Variants in CUX2 observed in about 807,000 individuals in gnomAD.
CUX2 encodes the protein cut like homeobox 2, also known as homeobox protein cut-like 2.
A neutral mutation model predicts 144.8 loss-of-function variants in CUX2; 40 were observed. The ratio of observed to expected loss-of-function variants is 0.28; its 90% CI spans 0.21 to 0.36. The LOEUF is 0.36. CUX2 is among the 10% of genes least tolerant of loss of function. CUX2 has a pLI of 1.00. For missense variants in CUX2, 1,615 were observed against 1,994.0 expected, an observed-to-expected ratio of 0.81 and a Z score of 3.62; for synonymous variants, 827 against 875.6, an observed-to-expected ratio of 0.94 and a Z score of 0.98.
chr12:111,266,939 T>G (rs1474990828), intron 4 of CUX2, among the ~76,000 whole-genome samples: 2 of 152,168 alleles, frequency 1.3e-5, no homozygotes, highest in Non-Finnish European at 2.9e-5. Context: ...CTCATGCCTG[T>G]AATGCCAGCA....
In CUX2 at chr12:111,348,033, G is replaced by A. The variant is rs777726317; in HGVS notation, c.4169G>A (p.Ser1390Asn). ...FKSASESSRCSLEVSLNSPSA... is the reference protein window; with the variant it reads ...FKSASESSRCNLEVSLNSPSA... ...TCAGCCTCAGAGTCCTCACGCTGCA[G>A]CCTGGAGGTGTCACTGAACTCGCCC... The change falls in exon 22 of 22, where the codon AGC becomes AAC. Residue 1390 changes from serine to asparagine, a missense_variant. By Grantham distance (46) the Ser-to-Asn change is conservative. This residue lies in a region of CUX2 where 298 missense variants were observed against 330.4 expected (regional missense o/e 0.90). Coordinates refer to ENST00000261726, the MANE Select transcript of CUX2 (RefSeq NM_015267.4). The A allele has an allele frequency of 1.2e-6, 2 of 1,614,114 alleles. No individual in the cohort carries two copies. Among genetic ancestry groups the A allele is most frequent in the Non-Finnish European group, 1.7e-6 (2 of 1,180,026 alleles).
chr12:111,076,508 T>C (rs1264474493), intron 1 of CUX2, among the ~76,000 whole-genome samples: 1 of 152,224 alleles, frequency 6.6e-6, no homozygotes, highest in African/African-American at 2.4e-5. Context: ...TTGAATTCTG[T>C]TGGCTACACA....
At chr12:111,316,023 TGA>T (rs1413866468) in intron 16 of CUX2, among the ~76,000 whole-genome samples, 6 of 152,064 alleles carry the variant, frequency 3.9e-5, no homozygotes, top group African/African-American at 1.4e-4. Context: ...ACAGTAAGGG[TGA>T]CTTTCATTTT....
At chr12:111,336,138 G>A (rs988948046) in intron 19 of CUX2, among the ~76,000 whole-genome samples, 15 of 152,170 alleles carry the variant, frequency 9.9e-5, no homozygotes, top group African/African-American at 3.6e-4. Flanking sequence ...CGGAACTCCA[G>A]CTCAGTCCTC....
chr12:111,079,306 A>G (rs569250668), intron 1 of CUX2, among the ~76,000 whole-genome samples: 1 of 152,342 alleles, frequency 6.6e-6, no homozygotes, highest in African/African-American at 2.4e-5. Flanking sequence ...CTCTGAGTTT[A>G]TGCTATAGGT....
chr12:111,280,489 A>G (rs1885074753), intron 4 of CUX2, among the ~76,000 whole-genome samples: 1 of 152,182 alleles, frequency 6.6e-6, no homozygotes, highest in Non-Finnish European at 1.5e-5. Context: ...TCCAGCCTCC[A>G]AAACACAGCA....
chr12:111,051,376 T>G (rs1870256594), intron 1 of CUX2, among the ~76,000 whole-genome samples: 1 of 152,248 alleles, frequency 6.6e-6, no homozygotes, highest in Non-Finnish European at 1.5e-5. Context: ...TCCATTTCTG[T>G]CAATTTTTGC....
chr12:111,154,160 C>G (rs1386322807), intron 1 of CUX2, among the ~76,000 whole-genome samples: 2 of 151,848 alleles, frequency 1.3e-5, no homozygotes, highest in Admixed American at 1.3e-4. Context: ...CTTAGCACCC[C>G]ACAGAGAAAG....
intron 1 of CUX2, among the ~76,000 whole-genome samples, chr12:111,046,970 T>G (rs1236252734): frequency 6.6e-6 from 1 of 152,216 alleles, no homozygotes; most frequent in Non-Finnish European, 1.5e-5. Flanking sequence ...TGCTGTTCTT[T>G]TTAAAAACCT....
rs201495071 is a variant in CUX2 at position 111,186,782 on chromosome 12, G to GTT, written c.64-27405_64-27404dup. 0.18 allele frequency among the ~76,000 whole-genome samples: 25,562 copies of GTT among 145,994 alleles called. 2,589 individuals are homozygous for GTT. Among genetic ancestry groups the GTT allele is most frequent in the East Asian group, 0.54 (2,644 of 4,942 alleles). ...ATTAAAATCGATATGATGTGTGTAT[G>GTT]TTTTTTTTTTTTTTGAGACAGAATT... On this transcript the variant is annotated intron_variant, in intron 1 of 21. Coordinates refer to ENST00000261726, the MANE Select transcript of CUX2 (RefSeq NM_015267.4). The surrounding 1 kb of genome is among the most constrained non-coding windows in gnomAD (Gnocchi z 4.4).
rs1293253717 is a variant in CUX2, at chr12:111,091,803, G to C, written c.63+57563G>C. 5.9e-5 allele frequency among the ~76,000 whole-genome samples: 9 copies of C among 152,294 alleles called. No homozygotes were observed. In the East Asian group the frequency reaches 1.7e-3, roughly 29 times the overall value. ...CTTCTGGTGGCTGCCGGCCCTGCCT[G>C]GTATTCCCTGGCTTGTGGCCGCATC... On this transcript the variant is annotated intron_variant, in intron 1 of 21. Coordinates refer to ENST00000261726, the MANE Select transcript of CUX2 (RefSeq NM_015267.4).
chr12:111,081,638 T>C (rs1871894514), intron 1 of CUX2, among the ~76,000 whole-genome samples: 1 of 151,974 alleles, frequency 6.6e-6, no homozygotes, highest in South Asian at 2.1e-4. Flanking sequence ...TGACAGATGT[T>C]GGTGACAATT....
intron 1 of CUX2, among the ~76,000 whole-genome samples, chr12:111,203,232 A>T (rs1880710416): frequency 1.9e-5 from 1 of 52,008 alleles, no homozygotes; most frequent in African/African-American, 3.1e-4. Flanking sequence ...ACTCTGTCTC[A>T]AAAAAAAAAA....
chr12:111,323,514 A>G (rs1715948854), intron 18 of CUX2, among the ~76,000 whole-genome samples: 2 of 152,216 alleles, frequency 1.3e-5, no homozygotes, highest in Admixed American at 1.3e-4. Flanking sequence ...GGCTGAGGAC[A>G]GGCATGGGGG....
At position 111,312,381 on chromosome 12, in the gene CUX2, T is replaced by G. The variant is rs1455049306; in HGVS notation, c.2002+180T>G. Among the ~76,000 whole-genome samples the G allele has an allele frequency of 6.6e-6, 1 of 152,162 alleles. No individual in the cohort carries two copies. Among genetic ancestry groups the G allele is most frequent in the Non-Finnish European group, 1.5e-5 (1 of 68,020 alleles). On this transcript the variant is annotated intron_variant, in intron 16 of 21. Coordinates refer to ENST00000261726, the MANE Select transcript of CUX2 (RefSeq NM_015267.4). This position sits in a 1 kb window ranked among gnomAD's most constrained non-coding sequence, Gnocchi z 4.3. ...TGTGGCACTGCTCAGAACCCTGCCA[T>G]GGTTCCACACAGCTCTCAACATAAA...
At chr12:111,137,364 TTTGTTGA>T (rs1461080171) in intron 1 of CUX2, among the ~76,000 whole-genome samples, 3 of 148,444 alleles carry the variant, frequency 2.0e-5, no homozygotes, top group African/African-American at 7.9e-5. Context: ...GTTGTTGTTG[TTTGTTGA>T]TGTTGTCGTT....
rs1413853255 is a variant in CUX2, at chr12:111,259,810, AAG to A, written c.223-3949_223-3948del. On this transcript the variant is annotated intron_variant, in intron 3 of 21. Transcript: ENST00000261726. ...CTCTGTCTCAAAAAAAAAAAAAAAAAAGAAATTAAGAAGTGGGTGAATTTAAT... is the reference window on the plus strand; with the variant it reads ...CTCTGTCTCAAAAAAAAAAAAAAAAAAAATTAAGAAGTGGGTGAATTTAAT... Among the ~76,000 whole-genome samples, 307 of 151,566 alleles carry A rather than the reference AAG, an allele frequency of 2.0e-3. 2 individuals are homozygous for A. The highest frequency in any genetic ancestry group is 7.1e-3 in the African/African-American group (291 of 41,230).
chr12:111,175,572 G>A (rs1232293826), intron 1 of CUX2, among the ~76,000 whole-genome samples: 2 of 152,030 alleles, frequency 1.3e-5, no homozygotes, highest in Non-Finnish European at 2.9e-5. Flanking sequence ...CTTTGTGGCA[G>A]GCTTGGTCAC....
intron 1 of CUX2, among the ~76,000 whole-genome samples, chr12:111,063,066 T>C (rs1870852283): frequency 6.6e-6 from 1 of 152,184 alleles, no homozygotes; most frequent in Non-Finnish European, 1.5e-5. Context: ...GAGCCTGGGC[T>C]GGGAGACCTG....
Sources: allele counts gnomAD v4.1 joint callset (sites outside exome capture counted in the v4.1 genomes callset), GRCh38; gene constraint gnomAD v4.1.1; regional missense constraint gnomAD v4.1.1; non-coding constraint Gnocchi (gnomAD v3.1); transcripts MANE v1.5; gene names NCBI Gene and HGNC (gene_info 2026-07-23, HGNC 2026-07-21).